The following COL22A1 variants were observed in gnomAD, a reference collection of about 807,000 sequenced individuals.
The protein encoded by COL22A1 is collagen type XXII alpha 1 chain, also known as collagen alpha-1(XXII) chain.
In COL22A1, 221 loss-of-function variants were observed where a neutral mutation model predicts 248.9. The ratio of observed to expected loss-of-function variants is 0.89; its 90% CI spans 0.80 to 0.99. The LOEUF (loss-of-function observed/expected upper bound fraction) is 0.99, where lower values mean the gene tolerates loss of function less well. Ranked by LOEUF, COL22A1 falls within the 50% of genes least tolerant of loss-of-function variation. The pLI is 0.00. For missense variants in COL22A1, 2,240 were observed against 2,179.0 expected (o/e 1.03, Z -0.56); for synonymous variants, 891 against 793.4 (o/e 1.12, Z -2.07).
At chr8:138,886,971 T>C (rs1013721626) in intron 1 of COL22A1, among the ~76,000 whole-genome samples, 1 of 152,178 alleles carries the variant, frequency 6.6e-6, no homozygotes, top group Non-Finnish European at 1.5e-5. Flanking sequence ...ACATGAGATG[T>C]TTTGATAGAG....
rs534246537 is a variant in COL22A1, at chr8:138,671,415, G to A, written c.3150+5143C>T. Among the ~76,000 whole-genome samples, 4 of 152,312 alleles carry A rather than the reference G, an allele frequency of 2.6e-5. No individual in the cohort carries two copies. In the South Asian group the frequency reaches 6.2e-4, roughly 24 times the overall value. On this transcript the variant is annotated intron_variant, in intron 41 of 64. Coordinates refer to ENST00000303045, the MANE Select transcript of COL22A1 (RefSeq NM_152888.3). The stretch of plus-strand genomic sequence containing the variant: ...GCATAAAATTAATGGTAGCCAGACC[G>A]TAGTACTATAATAATTTCATGGCCA...
intron 3 of COL22A1, among the ~76,000 whole-genome samples, chr8:138,872,379 C>A (rs2081729541): frequency 6.6e-6 from 1 of 152,078 alleles, no homozygotes; most frequent in South Asian, 2.1e-4. Flanking sequence ...CATCAACATC[C>A]CAGCCCAAAA....
At chr8:138,854,809 T>TGATGATGGTGATGATGGTGAC (rs1364338865) in intron 3 of COL22A1, among the ~76,000 whole-genome samples, 17 of 143,544 alleles carry the variant, frequency 1.2e-4, no homozygotes, top group Non-Finnish European at 2.1e-4. Context: ...GTGATGGTGA[T>TGATGATGGTGATGATGGTGAC]GATGATGGTG....
intron 32 of COL22A1, among the ~76,000 whole-genome samples, chr8:138,697,281 T>C (rs1390092696): frequency 6.6e-6 from 1 of 152,220 alleles, no homozygotes; most frequent in Non-Finnish European, 1.5e-5. Context: ...CTGGGACTCA[T>C]GATCATCTCT....
At chr8:138,660,942 AC>A (rs1440185240) in intron 43 of COL22A1, among the ~76,000 whole-genome samples, 6 of 64,606 alleles carry the variant, frequency 9.3e-5, no homozygotes, top group African/African-American at 2.5e-4. Context: ...ACAGACACAC[AC>A]ATAAACACAC....
chr8:138,784,739 C>T (rs1574370), intron 12 of COL22A1, among the ~76,000 whole-genome samples: 53,151 of 151,980 alleles, frequency 0.35, 11,234 homozygotes, highest in African/African-American at 0.6. Flanking sequence ...GCATTCAACG[C>T]CTCCCCACAA....
chr8:138,593,997 T>C lies in COL22A1; in HGVS notation c.4615+20A>G. ...CCTCCAGGAGTACACGGAGCATATC[T>C]CCTCCAGGTCTTCACTCACCTTTGG... On this transcript the variant is annotated intron_variant, in intron 63 of 64. Coordinates refer to ENST00000303045, the MANE Select transcript of COL22A1 (RefSeq NM_152888.3). The C allele has an allele frequency of 6.6e-7, 1 of 1,521,390 alleles. No homozygotes were observed. Among genetic ancestry groups the C allele is most frequent in the East Asian group, 2.5e-5 (1 of 39,694 alleles). The allele number at this position is 1,521,390 out of a possible 1,614,324, so 94.2% of individuals were successfully genotyped here. A position where few individuals can be genotyped will look rare whatever the true frequency, so the allele number is the denominator to read the frequency against.
intron 16 of COL22A1, among the ~76,000 whole-genome samples, chr8:138,771,788 G>A (rs906280070): frequency 6.6e-6 from 1 of 152,216 alleles, no homozygotes; most frequent in African/African-American, 2.4e-5. Flanking sequence ...CTGCAAGTGA[G>A]AAAACGGAGG....
At chr8:138,877,416 A>G (rs1123758) in intron 3 of COL22A1, among the ~76,000 whole-genome samples, 42,646 of 152,152 alleles carry the variant, frequency 0.28, 6,263 homozygotes, top group Non-Finnish European at 0.31. Flanking sequence ...CATCAGAGGT[A>G]AAGATGAGAC....
intron 5 of COL22A1, 36 bp downstream of exon 5, chr8:138,833,003 C>T: frequency 6.4e-6 from 9 of 1,410,824 alleles, no homozygotes; most frequent in Non-Finnish European, 9.0e-6. Context: ...TCCCATGACA[C>T]CCTGGGCAGG....
At chr8:138,838,565 T>C (rs1418155034) in intron 4 of COL22A1, among the ~76,000 whole-genome samples, 1 of 152,072 alleles carries the variant, frequency 6.6e-6, no homozygotes, top group Non-Finnish European at 1.5e-5. Context: ...GCCTATGCTC[T>C]ACTTTCTGGT....
At chr8:138,863,445 GGAA>G (rs1439783791) in intron 3 of COL22A1, among the ~76,000 whole-genome samples, 35 of 152,206 alleles carry the variant, frequency 2.3e-4, no homozygotes, top group African/African-American at 8.4e-4. Flanking sequence ...TTCCAGCCTG[GGAA>G]ACCATCCCAG....
chr8:138,618,670 C>T (rs1007435919), intron 53 of COL22A1, among the ~76,000 whole-genome samples: 5 of 152,052 alleles, frequency 3.3e-5, no homozygotes, highest in Non-Finnish European at 7.4e-5. Flanking sequence ...AAAAGAAAAA[C>T]ATTAAGAAAA....
chr8:138,787,313 G>C (rs548204718), intron 12 of COL22A1, among the ~76,000 whole-genome samples: 32 of 152,248 alleles, frequency 2.1e-4, no homozygotes, highest in African/African-American at 7.2e-4. Flanking sequence ...AAAGAAGAGA[G>C]AGAAAGAGAA....
chr8:138,912,775 G>A (rs963083391), intron 1 of COL22A1, among the ~76,000 whole-genome samples: 1 of 152,078 alleles, frequency 6.6e-6, no homozygotes, highest in African/African-American at 2.4e-5. Context: ...TGTCAGGATG[G>A]GGCTCTGGAA....
At chr8:138,901,369 G>GTTGT (rs1814547628) in intron 1 of COL22A1, among the ~76,000 whole-genome samples, 3 of 118,772 alleles carry the variant, frequency 2.5e-5, no homozygotes, top group Non-Finnish European at 3.3e-5. Context: ...TTTTTTTTTT[G>GTTGT]TTTTTTTTTT....
rs4909444 is a variant in COL22A1 at position 138,688,966 on chromosome 8, G to T, written c.2813C>A (p.Ala938Asp). ...CCCTGGGGTGCCTCTGAGGCCGGGAGCACCCTGTGGCAAGGAAGATTACGG... is the reference window on the plus strand; with the variant it reads ...CCCTGGGGTGCCTCTGAGGCCGGGATCACCCTGTGGCAAGGAAGATTACGG... Reference protein sequence around the residue: ...GPSGPPGSVGAPGLRGTPGKD... With the variant: ...GPSGPPGSVGDPGLRGTPGKD... The change falls in exon 37 of 65, where the codon GCT becomes GAT. Residue 938 changes from alanine (A) to aspartate (D), a missense_variant. Ala to Asp is a moderately radical substitution (Grantham distance 126, BLOSUM62 -2). Coordinates refer to ENST00000303045, the MANE Select transcript of COL22A1 (RefSeq NM_152888.3). 526,350 of 1,606,310 alleles carry T rather than the reference G, an allele frequency of 0.33. 88,596 individuals are homozygous for T. The highest frequency in any genetic ancestry group is 0.39 in the South Asian group (35,259 of 90,892).
At chr8:138,900,452 G>C (rs542307674) in intron 1 of COL22A1, among the ~76,000 whole-genome samples, 6 of 152,316 alleles carry the variant, frequency 3.9e-5, no homozygotes, top group South Asian at 2.1e-4. Context: ...AGTGAGACCT[G>C]TTTTCCGAAC....
At position 138,823,706 on chromosome 8, in the gene COL22A1, A is replaced by G. The variant is rs1008749700; in HGVS notation, c.970-2295T>C. Among the ~76,000 whole-genome samples the G allele has an allele frequency of 5.3e-5, 8 of 152,130 alleles. 1 individual carries two copies. In the East Asian group the frequency reaches 7.7e-4, roughly 15 times the overall value. On this transcript the variant is annotated intron_variant, in intron 6 of 64. Transcript: ENST00000303045. ...CAGGCATGAGCCACTGTGCCCAACC[A>G]TTTATTGACTTTTTTCATAGCACAG... is the stretch of plus-strand genomic sequence containing the variant.
Sources: gnomAD v4.1 joint callset for allele counts (sites outside exome capture counted in the v4.1 genomes callset) on GRCh38, gnomAD v4.1.1 for gene constraint, MANE v1.5 for transcripts, NCBI Gene and HGNC (gene_info 2026-07-23, HGNC 2026-07-21) for gene names.